CDC42BPA: variants seen among roughly 807,000 people sequenced by gnomAD.
CDC42BPA encodes serine/threonine-protein kinase MRCK alpha.
Under a neutral mutation model 223.5 loss-of-function variants are expected in CDC42BPA, and 80 were observed. That is an observed-to-expected ratio of 0.36 (90% CI 0.30 to 0.43). The LOEUF is 0.43. Among genes scored for constraint, CDC42BPA ranks in the 20% least tolerant of loss-of-function variants. The pLI, the probability that CDC42BPA is intolerant of heterozygous loss-of-function variation, is 1.00. For missense variants in CDC42BPA, 1,743 were observed against 2,099.9 expected (o/e 0.83, Z 3.32); for synonymous variants, 694 against 718.6 (o/e 0.97, Z 0.55).
At chr1:227,043,402 ACTT>A (rs1234548490) in intron 23 of CDC42BPA, among the ~76,000 whole-genome samples, 25 of 140,816 alleles carry the variant, frequency 1.8e-4, no homozygotes, top group Non-Finnish European at 3.4e-4. Flanking sequence ...ACAAAACGAG[ACTT>A]CGTCTCAAAA....
chr1:227,317,959 C>T lies in CDC42BPA; in HGVS notation c.-777G>A, dbSNP rs1055811908. 6.6e-5 allele frequency: 26 copies of T among 396,872 alleles called. No homozygotes were observed. Among genetic ancestry groups the T allele is most frequent in the African/African-American group, 3.9e-4 (19 of 48,520 alleles). The allele number at this position is 396,872 out of a possible 1,614,324, so 24.6% of individuals were successfully genotyped here. A position where few individuals can be genotyped will look rare whatever the true frequency, so the allele number is the denominator to read the frequency against. On this transcript the variant is annotated 5_prime_UTR_variant, in exon 1 of 37. Coordinates refer to ENST00000366766, the MANE Select transcript of CDC42BPA (RefSeq NM_001394014.1). ...TCACCCTAGGGCCTGACCGGCGGCG[C>T]GGCCGGGGGTGGAAGGCGGGCTGCG...
At chr1:227,140,748 A>C (rs1314578269) in intron 9 of CDC42BPA, among the ~76,000 whole-genome samples, 4 of 152,220 alleles carry the variant, frequency 2.6e-5, no homozygotes, top group African/African-American at 4.8e-5. Context: ...GATCACCTGA[A>C]CAGGATCAGA....
intron 2 of CDC42BPA, among the ~76,000 whole-genome samples, chr1:227,224,079 T>C (rs1422423492): frequency 6.6e-6 from 1 of 152,196 alleles, no homozygotes; most frequent in Non-Finnish European, 1.5e-5. Context: ...ACAGGTGGCA[T>C]CTGTACTCTG....
intron 15 of CDC42BPA, among the ~76,000 whole-genome samples, chr1:227,096,600 T>C (rs1684049445): frequency 6.6e-6 from 1 of 152,246 alleles, no homozygotes; most frequent in Admixed American, 6.5e-5. Context: ...TTTGACAGTG[T>C]TGTCCACTCT....
intron 24 of CDC42BPA, among the ~76,000 whole-genome samples, chr1:227,038,912 C>T (rs1364300359): frequency 1.3e-4 from 20 of 152,158 alleles, no homozygotes; most frequent in Admixed American, 1.2e-3. Flanking sequence ...TGCTTGTTGG[C>T]TTTCTAGAGA....
intron 1 of CDC42BPA, among the ~76,000 whole-genome samples, chr1:227,290,691 T>C (rs1222299868): frequency 2.0e-5 from 3 of 152,188 alleles, no homozygotes; most frequent in African/African-American, 7.2e-5. Flanking sequence ...GAGAAAGGTA[T>C]CATTTTAATG....
At chr1:227,182,042 C>T (rs778297975) in intron 5 of CDC42BPA, among the ~76,000 whole-genome samples, 5 of 151,948 alleles carry the variant, frequency 3.3e-5, no homozygotes, top group African/African-American at 4.8e-5. Flanking sequence ...TTTTATTTTC[C>T]GTAAGACATT....
intron 6 of CDC42BPA, among the ~76,000 whole-genome samples, chr1:227,148,669 AG>A (rs1469267971): frequency 6.8e-6 from 1 of 147,264 alleles, no homozygotes; most frequent in Non-Finnish European, 1.5e-5. Flanking sequence ...CAGGAGGCTG[AG>A]GCAGGAGAAT....
chr1:227,226,349 A>G (rs533654184), intron 2 of CDC42BPA, among the ~76,000 whole-genome samples: 1 of 152,348 alleles, frequency 6.6e-6, no homozygotes, highest in East Asian at 1.9e-4. Context: ...TTAACAGAAA[A>G]TCCGGTAATT....
At chr1:227,049,391 C>T (rs1673092719) in intron 22 of CDC42BPA, among the ~76,000 whole-genome samples, 1 of 151,918 alleles carries the variant, frequency 6.6e-6, no homozygotes, top group Non-Finnish European at 1.5e-5. Context: ...ATGAAATACA[C>T]TGAAAATAAT....
chr1:227,018,206 G>A (rs1666690906), intron 32 of CDC42BPA, among the ~76,000 whole-genome samples: 1 of 151,968 alleles, frequency 6.6e-6, no homozygotes, highest in Non-Finnish European at 1.5e-5. Flanking sequence ...GCGCCACCAT[G>A]CCCAGCCAAA....
intron 16 of CDC42BPA, among the ~76,000 whole-genome samples, chr1:227,086,130 T>C (rs992910231): frequency 2.0e-5 from 3 of 152,224 alleles, no homozygotes; most frequent in Admixed American, 1.3e-4. Context: ...ATTATTGAAG[T>C]TGAACCTCAA....
chr1:227,083,912 C>G (rs1306784343), intron 16 of CDC42BPA, among the ~76,000 whole-genome samples: 2 of 152,132 alleles, frequency 1.3e-5, no homozygotes, highest in Non-Finnish European at 2.9e-5. Flanking sequence ...CTCTCTCCAG[C>G]CTTGTAAAAC....
rs534793380 is a variant in CDC42BPA, at chr1:227,248,753, A to G, written c.270+5311T>C. On this transcript the variant is annotated intron_variant, in intron 2 of 36. Transcript: ENST00000366766. ...CACACACACACACATACATCAATATACTGATGAAACACTGATGAAAGAAAC... is the reference window on the plus strand; with the variant it reads ...CACACACACACACATACATCAATATGCTGATGAAACACTGATGAAAGAAAC... 2.6e-5 allele frequency among the ~76,000 whole-genome samples: 4 copies of G among 152,268 alleles called. No homozygotes were observed. The East Asian group carries it at 7.7e-4, about 29-fold the overall frequency.
At chr1:227,081,759 G>A (rs951604128) in intron 16 of CDC42BPA, among the ~76,000 whole-genome samples, 3 of 151,588 alleles carry the variant, frequency 2.0e-5, no homozygotes, top group Non-Finnish European at 2.9e-5. Context: ...TGGCCTATAC[G>A]CCTGTTCTCT....
chr1:227,185,321 T>C (rs1668580205), intron 5 of CDC42BPA, among the ~76,000 whole-genome samples: 1 of 152,148 alleles, frequency 6.6e-6, no homozygotes, highest in African/African-American at 2.4e-5. Flanking sequence ...TGGCAACCTT[T>C]GATATGCAAA....
At chr1:227,219,383 T>C (rs1675433667) in intron 2 of CDC42BPA, 2 of 152,164 alleles carry the variant, frequency 1.3e-5, no homozygotes, top group African/African-American at 4.8e-5. Flanking sequence ...CAGGAAACTG[T>C]TGACAGGCAA....
At chr1:227,193,125 G>A (rs1670014141) in intron 5 of CDC42BPA, among the ~76,000 whole-genome samples, 1 of 143,596 alleles carries the variant, frequency 7.0e-6, no homozygotes. Flanking sequence ...CTGGAGTGCA[G>A]TGGCGGGATC....
At chr1:227,193,654 C>A in intron 5 of CDC42BPA, 132 bp downstream of exon 5, 1 of 722,644 alleles carries the variant, frequency 1.4e-6, no homozygotes, top group Non-Finnish European at 2.1e-6. Context: ...CCAAAATCAT[C>A]TCAAAATAAT....
Sources: allele counts gnomAD v4.1 joint callset (sites outside exome capture counted in the v4.1 genomes callset), GRCh38; gene constraint gnomAD v4.1.1; transcripts MANE v1.5; gene names NCBI Gene and HGNC (gene_info 2026-07-23, HGNC 2026-07-21).